CNTNAP3B: variants seen among roughly 807,000 people sequenced by gnomAD.
CNTNAP3B encodes the protein contactin associated protein family member 3B.
In CNTNAP3B, 25 loss-of-function variants were observed where a neutral mutation model predicts 108.9. The observed-to-expected ratio is 0.23, with a 90% confidence interval of 0.17 to 0.32. The LOEUF (loss-of-function observed/expected upper bound fraction) is 0.32. Ranked by LOEUF, CNTNAP3B falls within the 10% of genes least tolerant of loss-of-function variation. The pLI is 1.00. For synonymous variants in CNTNAP3B, 103 were observed against 473.4 expected, an observed-to-expected ratio of 0.22 and a Z score of 10.16; for missense variants, 252 against 1,210.4, an observed-to-expected ratio of 0.21 and a Z score of 11.75.
At chr9:41,940,623 T>C (rs1286844142) in intron 13 of CNTNAP3B, among the ~76,000 whole-genome samples, 31 of 152,368 alleles carry the variant, frequency 2.0e-4, no homozygotes, top group African/African-American at 7.2e-4. Flanking sequence ...GAGACCATCC[T>C]GGCTAACACG....
chr9:41,958,019 C>A (rs868224003), intron 12 of CNTNAP3B, among the ~76,000 whole-genome samples: 4 of 152,282 alleles, frequency 2.6e-5, no homozygotes, highest in African/African-American at 9.6e-5. Context: ...GCCTCAGCCT[C>A]CCACAGTGCT....
At chr9:42,025,442 CCTGTTCCA>C (rs1277727276) in intron 3 of CNTNAP3B, among the ~76,000 whole-genome samples, 14 of 1,548 alleles carry the variant, frequency 9.0e-3, no homozygotes, top group South Asian at 0.014. Flanking sequence ...CTCTATCACA[CCTGTTCCA>C]CTAGTTGAGC....
intron 2 of CNTNAP3B, among the ~76,000 whole-genome samples, chr9:42,079,734 A>T (rs1827572380): frequency 7.3e-6 from 1 of 137,656 alleles, no homozygotes; most frequent in Admixed American, 7.2e-5. Flanking sequence ...GTTGGCCAGG[A>T]TGGTCTTGGT....
chr9:42,110,905 AAAAGT>A (rs1325309282), intron 1 of CNTNAP3B, among the ~76,000 whole-genome samples: 1 of 140,202 alleles, frequency 7.1e-6, no homozygotes, highest in Non-Finnish European at 1.5e-5. Context: ...ATGCTTCGGA[AAAAGT>A]ACATTTTACT....
intron 3 of CNTNAP3B, among the ~76,000 whole-genome samples, chr9:42,074,412 CA>C (rs1184884737): frequency 2.9e-5 from 3 of 104,748 alleles, no homozygotes; most frequent in Non-Finnish European, 5.5e-5. Context: ...TATTTTCCAA[CA>C]ACTCATGAGG....
intron 13 of CNTNAP3B, among the ~76,000 whole-genome samples, chr9:41,950,853 C>T (rs1306422802): frequency 2.7e-5 from 4 of 146,410 alleles, no homozygotes; most frequent in South Asian, 4.3e-4. Flanking sequence ...CTCCACCTCC[C>T]GGGTTCACGC....
chr9:42,075,836 CTTA>C (rs201491733), intron 3 of CNTNAP3B, among the ~76,000 whole-genome samples: 2,405 of 63,694 alleles, frequency 0.038, 96 homozygotes, highest in African/African-American at 0.096. Flanking sequence ...GTAATAAATA[CTTA>C]TTATTATTAT....
chr9:42,116,998 A>C lies in CNTNAP3B; in HGVS notation c.85+12012T>G, dbSNP rs369955276. Among the ~76,000 whole-genome samples, 5 of 139,864 alleles carry C rather than the reference A, an allele frequency of 3.6e-5. 1 individual carries two copies. The East Asian group carries it at 1.1e-3, about 30-fold the overall frequency. The allele number at this position is 139,864 out of a possible 152,430, so 91.8% of individuals were successfully genotyped here. A position where few individuals can be genotyped will look rare whatever the true frequency, so the allele number is the denominator to read the frequency against. ...AAATATCCTAAATATATATGCACCC[A>C]GTACAGGAGCACCCAGACTCATAAA... On this transcript the variant is annotated intron_variant, in intron 1 of 23. Transcript: ENST00000377561.
chr9:42,035,345 C>T (rs1479322738), intron 3 of CNTNAP3B, among the ~76,000 whole-genome samples: 2 of 146,658 alleles, frequency 1.4e-5, no homozygotes, highest in Non-Finnish European at 3.0e-5. Context: ...AGATCAGATG[C>T]CACCTTTCAA....
chr9:41,964,193 A>G (rs1360295344), intron 11 of CNTNAP3B, among the ~76,000 whole-genome samples: 16 of 152,292 alleles, frequency 1.1e-4, no homozygotes, highest in Non-Finnish European at 2.2e-4. Context: ...GATTCTCAGA[A>G]TTAAAATTAT....
rs1179713170 is a variant in CNTNAP3B, at chr9:41,921,093, A to T, written c.2756-784T>A. On this transcript the variant is annotated intron_variant, in intron 17 of 23. Coordinates refer to ENST00000377561, the MANE Select transcript of CNTNAP3B (RefSeq NM_001201380.3). ...TTTTAGCCTCCTCCCAGAGATTCCA[A>T]TTCGGTGGGCCTAAGGTGGGGGCCC... Among the ~76,000 whole-genome samples the T allele has an allele frequency of 3.3e-5, 5 of 152,414 alleles. No individual in the cohort carries two copies. In the South Asian group the frequency reaches 8.3e-4, roughly 25 times the overall value.
intron 1 of CNTNAP3B, among the ~76,000 whole-genome samples, chr9:42,121,092 G>C (rs1828452019): frequency 7.2e-6 from 1 of 138,512 alleles, no homozygotes; most frequent in Non-Finnish European, 1.5e-5. Context: ...TCTCCTTAGA[G>C]CCAGGAGTTA....
intron 15 of CNTNAP3B, among the ~76,000 whole-genome samples, chr9:41,927,384 G>A (rs1395813227): frequency 1.8e-5 from 2 of 109,928 alleles, no homozygotes; most frequent in Admixed American, 1.0e-4. Context: ...CAAACATACT[G>A]AGAAAGAAAA....
chr9:42,003,043 T>TA (rs1826032335), intron 4 of CNTNAP3B, among the ~76,000 whole-genome samples: 1 of 126,324 alleles, frequency 7.9e-6, no homozygotes, highest in African/African-American at 3.2e-5. Context: ...TGCACTACAA[T>TA]GCCTGGTTAA....
intron 10 of CNTNAP3B, among the ~76,000 whole-genome samples, 168 bp downstream of exon 10, chr9:41,969,906 C>A (rs1266912155): frequency 2.1e-5 from 3 of 145,874 alleles, no homozygotes; most frequent in Non-Finnish European, 4.5e-5. Context: ...CCACCACGCC[C>A]GGCCAAGATG....
At chr9:41,986,709 T>TA (rs1051898324) in intron 8 of CNTNAP3B, among the ~76,000 whole-genome samples, 4 of 150,546 alleles carry the variant, frequency 2.7e-5, no homozygotes, top group Admixed American at 2.0e-4. Flanking sequence ...AGTGAGTTGA[T>TA]AAAAAATATG....
rs1368922165 is a variant in CNTNAP3B at position 41,943,799 on chromosome 9, G to A, written c.2081-5399C>T. On this transcript the variant is annotated intron_variant, in intron 13 of 23. Transcript: ENST00000377561. ...AATTAATGACAGACATGAAACCATA[G>A]GTTCAGGAATCTCAGCAATCACCAA... Among the ~76,000 whole-genome samples, 9 of 152,382 alleles carry A rather than the reference G, an allele frequency of 5.9e-5. No individual in the cohort carries two copies. In the East Asian group the frequency reaches 1.2e-3, roughly 20 times the overall value.
intron 1 of CNTNAP3B, among the ~76,000 whole-genome samples, chr9:42,127,515 T>C (rs1191114617): frequency 7.1e-6 from 1 of 139,958 alleles, no homozygotes; most frequent in African/African-American, 2.8e-5. Flanking sequence ...ACTTATTTTG[T>C]TGTATTTTGC....
chr9:42,103,447 C>T (rs1020502130), intron 2 of CNTNAP3B, among the ~76,000 whole-genome samples: 3 of 105,656 alleles, frequency 2.8e-5, no homozygotes, highest in African/African-American at 8.5e-5. Flanking sequence ...AGGCTGGGCG[C>T]GGTTACAGGC....
Sources: allele counts gnomAD v4.1 joint callset (sites outside exome capture counted in the v4.1 genomes callset), GRCh38; gene constraint gnomAD v4.1.1; transcripts MANE v1.5; gene names NCBI Gene and HGNC (gene_info 2026-07-23, HGNC 2026-07-21).